METRNL: variants seen among roughly 807,000 people sequenced by gnomAD.
METRNL encodes meteorin-like protein.
Under a neutral mutation model 17.4 loss-of-function variants are expected in METRNL, and 9 were observed. The observed-to-expected ratio is 0.52, with a 90% CI of 0.31 to 0.90. The LOEUF is 0.90. Among genes scored for constraint, METRNL ranks in the 40% least tolerant of loss-of-function variants. METRNL has a pLI of 0.05. For synonymous variants in METRNL, 215 were observed against 199.3 expected (o/e 1.08, Z -0.66); for missense variants, 408 against 430.7 (o/e 0.95, Z 0.47).
chr17:83,083,070 T>G (rs1279152414), intron 1 of METRNL, among the ~76,000 whole-genome samples: 1 of 152,224 alleles, frequency 6.6e-6, no homozygotes, highest in African/African-American at 2.4e-5. Flanking sequence ...CATTTTGTCC[T>G]CTTCCTCTTT....
At chr17:83,087,263 C>A (rs565411532) in intron 2 of METRNL, among the ~76,000 whole-genome samples, 4 of 152,294 alleles carry the variant, frequency 2.6e-5, no homozygotes, top group Non-Finnish European at 5.9e-5. Flanking sequence ...TCTGCTTAAA[C>A]CGAGCCTGAG....
At chr17:83,091,950 C>T (rs893126941) in intron 2 of METRNL, among the ~76,000 whole-genome samples, 1 of 152,208 alleles carries the variant, frequency 6.6e-6, no homozygotes, top group African/African-American at 2.4e-5. Context: ...TGTAGGAATG[C>T]GGGGCGTGCA....
intron 1 of METRNL, among the ~76,000 whole-genome samples, chr17:83,082,895 C>T (rs72854208): frequency 9.2e-5 from 14 of 152,328 alleles, no homozygotes; most frequent in Non-Finnish European, 1.9e-4. Flanking sequence ...AAAATCCCTA[C>T]GTCAGCGGGT....
chr17:83,081,384 G>T (rs568978167), intron 1 of METRNL, among the ~76,000 whole-genome samples: 1 of 152,176 alleles, frequency 6.6e-6, no homozygotes, highest in Non-Finnish European at 1.5e-5. Context: ...CCCAGGCCGA[G>T]TGTGTCGAGA....
At chr17:83,084,869 T>A in intron 1 of METRNL, 69 bp from the exon 2 acceptor site, 2 of 1,539,290 alleles carry the variant, frequency 1.3e-6, no homozygotes, top group Non-Finnish European at 1.7e-6. Context: ...CCTCACTGAC[T>A]CTCTGTGGGT....
intron 2 of METRNL, among the ~76,000 whole-genome samples, chr17:83,087,693 C>T (rs559438990): frequency 1.3e-5 from 2 of 152,206 alleles, no homozygotes; most frequent in Admixed American, 6.5e-5. Context: ...CGGCCAGCGC[C>T]GCGGTTTCCC....
intron 1 of METRNL, among the ~76,000 whole-genome samples, chr17:83,080,874 C>G (rs1049113026): frequency 6.6e-6 from 1 of 151,120 alleles, no homozygotes; most frequent in Non-Finnish European, 1.5e-5. Flanking sequence ...GCCCCCGCCC[C>G]CGCCCCCGCC....
At chr17:83,090,162 AGCC>A (rs1568338545) in intron 2 of METRNL, among the ~76,000 whole-genome samples, 3,228 of 67,924 alleles carry the variant, frequency 0.048, 472 homozygotes, top group South Asian at 0.13. Flanking sequence ...CCAGGGTGGG[AGCC>A]ACACACCCCT....
chr17:83,084,624 C>CT (rs1006719306), intron 1 of METRNL: 21 of 405,530 alleles, frequency 5.2e-5, no homozygotes, highest in African/African-American at 4.8e-4. Context: ...GGCGCAGACT[C>CT]TTGAGTGTTG....
intron 2 of METRNL, among the ~76,000 whole-genome samples, chr17:83,089,708 G>A (rs1568338260): frequency 6.6e-6 from 1 of 152,150 alleles, no homozygotes; most frequent in Non-Finnish European, 1.5e-5. Context: ...CAGCCTTTAT[G>A]AGCCTGGCTC....
At position 83,094,335 on chromosome 17, in the gene METRNL, C is replaced by T. The variant is rs751947465; in HGVS notation, c.696C>T (p.Leu232=). The part of the protein sequence containing the change: ...DSAIHLRVSR[L]YRQKSRVFEP... ...CCATCCACCTGCGCGTGAGCAGACTCTATCGGCAGAAAAGCAGGGTCTTCG... is the reference window on the plus strand; with the variant it reads ...CCATCCACCTGCGCGTGAGCAGACTTTATCGGCAGAAAAGCAGGGTCTTCG... Residue 232 remains leucine (L), a synonymous_variant, in exon 4 of 4, where the codon CTC becomes CTT. Transcript: ENST00000320095. The T allele has an allele frequency of 6.2e-7, 1 of 1,610,590 alleles. No homozygotes were observed. The highest frequency in any genetic ancestry group is 8.5e-7 in the Non-Finnish European group (1 of 1,178,288).
chr17:83,087,690 C>T (rs927156504), intron 2 of METRNL, among the ~76,000 whole-genome samples: 6 of 152,194 alleles, frequency 3.9e-5, no homozygotes, highest in East Asian at 1.9e-4. Flanking sequence ...CTCCGGCCAG[C>T]GCCGCGGTTT....
At chr17:83,082,796 G>A (rs1469059407) in intron 1 of METRNL, among the ~76,000 whole-genome samples, 2 of 152,230 alleles carry the variant, frequency 1.3e-5, no homozygotes, top group African/African-American at 4.8e-5. Context: ...TCGTGCCGAG[G>A]TCTGCTGGGT....
intron 2 of METRNL, among the ~76,000 whole-genome samples, chr17:83,092,785 G>T (rs1034850527): frequency 6.6e-6 from 1 of 152,166 alleles, no homozygotes; most frequent in Non-Finnish European, 1.5e-5. Flanking sequence ...CGGCTCAGCC[G>T]CACTGAGGAG....
At chr17:83,092,074 A>T (rs2038144353) in intron 2 of METRNL, among the ~76,000 whole-genome samples, 2 of 152,120 alleles carry the variant, frequency 1.3e-5, no homozygotes, top group Non-Finnish European at 2.9e-5. Context: ...CCGGTACGGG[A>T]GCTCATTCTG....
At chr17:83,090,954 G>A (rs1403046091) in intron 2 of METRNL, among the ~76,000 whole-genome samples, 1 of 152,166 alleles carries the variant, frequency 6.6e-6, no homozygotes, top group Non-Finnish European at 1.5e-5. Context: ...GTGGGATGGG[G>A]GTCCACATAG....
At chr17:83,092,227 G>T (rs2038146792) in intron 2 of METRNL, among the ~76,000 whole-genome samples, 1 of 152,230 alleles carries the variant, frequency 6.6e-6, no homozygotes, top group Non-Finnish European at 1.5e-5. Flanking sequence ...TGGCATCCGG[G>T]GAAGGGGCCG....
At chr17:83,088,574 C>T (rs1345346752) in intron 2 of METRNL, among the ~76,000 whole-genome samples, 23 of 152,170 alleles carry the variant, frequency 1.5e-4, no homozygotes, top group Non-Finnish European at 1.0e-4. Flanking sequence ...GTGCCCAGGG[C>T]CGGGCAGCAG....
In METRNL at chr17:83,079,947, C is replaced by T. The variant is rs2037962767; in HGVS notation, c.132C>T (p.Gly44=). 2 of 1,013,622 alleles carry T rather than the reference C, an allele frequency of 2.0e-6. No homozygotes were observed. Among genetic ancestry groups the T allele is most frequent in the Non-Finnish European group, 2.4e-6 (2 of 850,024 alleles). 62.8% of individuals were successfully genotyped at this position (1,013,622 alleles called of 1,614,324 possible). A position where few individuals can be genotyped will look rare whatever the true frequency, so the allele number is the denominator to read the frequency against. The change falls in exon 1 of 4, where the codon GGC becomes GGT. Residue 44 remains glycine (G), a synonymous_variant. Transcript: ENST00000320095. Reference sequence around the variant, plus strand: ...TGGCCGGGCTGCTGGGCGGCGCGGGCGCGCAGTACTCCAGCGACCGGTGCA... The same window carrying T: ...TGGCCGGGCTGCTGGGCGGCGCGGGTGCGCAGTACTCCAGCGACCGGTGCA... ...LLLAGLLGGA[G]AQYSSDRCSW...
Sources: allele counts gnomAD v4.1 joint callset (sites outside exome capture counted in the v4.1 genomes callset), GRCh38; gene constraint gnomAD v4.1.1; transcripts MANE v1.5; gene names NCBI Gene and HGNC (gene_info 2026-07-23, HGNC 2026-07-21).